Variants in ADGRV1 observed in about 807,000 individuals in gnomAD.
ADGRV1 encodes the protein adhesion G protein-coupled receptor V1.
In ADGRV1, 359 loss-of-function variants were observed where a neutral mutation model predicts 596.2. The ratio of observed to expected loss-of-function variants is 0.60; its 90% CI spans 0.55 to 0.66. The LOEUF (loss-of-function observed/expected upper bound fraction) is 0.66, where lower values mean the gene tolerates loss of function less well. ADGRV1 is among the 30% of genes least tolerant of loss of function. The pLI, the probability that ADGRV1 is intolerant of heterozygous loss-of-function variation, is 0.00. For synonymous variants in ADGRV1, 2,681 were observed against 2,679.2 expected (o/e 1.00, Z -0.02); for missense variants, 7,274 against 7,575.6 (o/e 0.96, Z 1.48).
intron 87 of ADGRV1, among the ~76,000 whole-genome samples, chr5:91,121,982 A>G: frequency 6.6e-6 from 1 of 152,178 alleles, no homozygotes; most frequent in Non-Finnish European, 1.5e-5. Flanking sequence ...AAAAAAAACA[A>G]ACTTGGACCA....
intron 83 of ADGRV1, among the ~76,000 whole-genome samples, chr5:90,951,909 T>A (rs2150909967): frequency 1.3e-5 from 2 of 152,276 alleles, no homozygotes; most frequent in East Asian, 3.9e-4. Flanking sequence ...TATATAAAGC[T>A]ATATTAATTT....
Position 90,729,639 on chromosome 5 carries a change from C to T in ADGRV1, c.10427-3C>T. The stretch of plus-strand genomic sequence containing the variant: ...AGATTTGACTTCTATTTCATTATTG[C>T]AGGAGATCAGAATTCAATTGATATT... On this transcript the variant is annotated splice_region_variant and splice_polypyrimidine_tract_variant and intron_variant, in intron 49 of 89. Transcript: ENST00000405460. 1.3e-6 allele frequency: 2 copies of T among 1,595,652 alleles called. No individual in the cohort carries two copies. The highest frequency in any genetic ancestry group is 2.2e-5 in the East Asian group (1 of 44,528).
chr5:91,020,832 C>G (rs578057311), intron 85 of ADGRV1, among the ~76,000 whole-genome samples: 1 of 152,102 alleles, frequency 6.6e-6, no homozygotes, highest in East Asian at 1.9e-4. Flanking sequence ...GCTTCGACAT[C>G]TAAATCTTTG....
chr5:90,746,200 T>C (rs1247369269), intron 52 of ADGRV1, among the ~76,000 whole-genome samples: 2 of 128,504 alleles, frequency 1.6e-5, no homozygotes, highest in Non-Finnish European at 3.1e-5. Flanking sequence ...TATTATGCTT[T>C]GTTACTTCTG....
Position 90,694,055 on chromosome 5 carries a change from G to T in ADGRV1, c.7299G>T (p.Gly2433=). The change falls in exon 33 of 90, where the codon GGG becomes GGT. Residue 2433 remains glycine, a synonymous_variant. Transcript: ENST00000405460. The part of the protein sequence containing the change: ...WRTWMNVSAV[G]EPLYTCATLC... ...CTTGGATGAATGTCTCTGCCGTGGG[G>T]GAGCCCCTGTATACCTGTGCCACTT... 1 of 1,613,806 alleles carries T rather than the reference G, an allele frequency of 6.2e-7. No homozygotes were observed. The highest frequency in any genetic ancestry group is 8.5e-7 in the Non-Finnish European group (1 of 1,179,834).
intron 39 of ADGRV1, among the ~76,000 whole-genome samples, chr5:90,710,321 G>T (rs1026236384): frequency 2.6e-5 from 4 of 152,160 alleles, no homozygotes; most frequent in Non-Finnish European, 4.4e-5. Context: ...CAGGAGCAGG[G>T]TTAGTAATAT....
intron 35 of ADGRV1, among the ~76,000 whole-genome samples, chr5:90,704,114 G>T (rs186768236): frequency 8.3e-4 from 126 of 152,184 alleles, no homozygotes; most frequent in African/African-American, 3.0e-3. Context: ...CTCCAACTTT[G>T]TGCTTTGAGA....
chr5:91,153,900 T>C (rs1796258715), intron 89 of ADGRV1, among the ~76,000 whole-genome samples: 1 of 152,228 alleles, frequency 6.6e-6, no homozygotes, highest in Non-Finnish European at 1.5e-5. Flanking sequence ...GGATAGTTCT[T>C]ACAGAATGAG....
intron 85 of ADGRV1, among the ~76,000 whole-genome samples, chr5:91,060,968 C>T (rs570321882): frequency 6.6e-6 from 1 of 152,294 alleles, no homozygotes; most frequent in African/African-American, 2.4e-5. Context: ...GCCAGTCAGA[C>T]ATCTACAACA....
At chr5:91,156,734 C>G (rs1270497701) in intron 89 of ADGRV1, among the ~76,000 whole-genome samples, 1 of 152,110 alleles carries the variant, frequency 6.6e-6, no homozygotes, top group African/African-American at 2.4e-5. Flanking sequence ...ATACTTGGTT[C>G]CCTATATTTT....
chr5:90,831,365 A>G (rs1443764972), intron 77 of ADGRV1, among the ~76,000 whole-genome samples: 1 of 151,822 alleles, frequency 6.6e-6, no homozygotes, highest in East Asian at 1.9e-4. Context: ...CTACCCTGCG[A>G]TTATAGGCTT....
At chr5:90,851,870 C>G (rs1047384400) in intron 79 of ADGRV1, among the ~76,000 whole-genome samples, 13 of 152,094 alleles carry the variant, frequency 8.5e-5, no homozygotes, top group African/African-American at 2.9e-4. Context: ...ATAACAGAGT[C>G]CCTGACTGGA....
At chr5:90,665,927 A>T (rs1771279648) in intron 21 of ADGRV1, among the ~76,000 whole-genome samples, 1 of 149,066 alleles carries the variant, frequency 6.7e-6, no homozygotes, top group Non-Finnish European at 1.5e-5. Context: ...AGCGGTTTTG[A>T]GTGAGATTCT....
At position 90,643,773 on chromosome 5, in the gene ADGRV1, A is replaced by G. The variant is rs756154419; in HGVS notation, c.2554-30A>G. 2.7e-6 allele frequency: 4 copies of G among 1,506,952 alleles called. No homozygotes were observed. In the African/African-American group the frequency reaches 4.2e-5, roughly 16 times the overall value. The allele number at this position is 1,506,952 out of a possible 1,614,324, so 93.3% of individuals were successfully genotyped here. The stretch of plus-strand genomic sequence containing the variant: ...ATTTGTTGTGAAAAGTCAACTTTAT[A>G]ATTTCCATACTTTGACACATTCACT... On this transcript the variant is annotated intron_variant, in intron 13 of 89. Coordinates refer to ENST00000405460, the MANE Select transcript of ADGRV1 (RefSeq NM_032119.4).
chr5:90,706,463 GT>G, intron 38 of ADGRV1, 69 bp downstream of exon 38: 1 of 1,337,302 alleles, frequency 7.5e-7, no homozygotes, highest in Non-Finnish European at 1.0e-6. Flanking sequence ...TATACTTTAA[GT>G]TTTAGTGTAC....
chr5:90,797,544 C>T (rs1393095850), intron 70 of ADGRV1, among the ~76,000 whole-genome samples: 1 of 152,070 alleles, frequency 6.6e-6, no homozygotes, highest in Non-Finnish European at 1.5e-5. Flanking sequence ...TTTAACACCC[C>T]ACTGTCAATA....
chr5:90,987,717 A>T (rs946022904), intron 85 of ADGRV1, among the ~76,000 whole-genome samples: 3 of 151,900 alleles, frequency 2.0e-5, no homozygotes, highest in African/African-American at 4.8e-5. Flanking sequence ...GTCATAATAG[A>T]TTGATGGTTG....
chr5:90,797,325 TC>T (rs1760850894), intron 70 of ADGRV1, among the ~76,000 whole-genome samples: 1 of 109,560 alleles, frequency 9.1e-6, no homozygotes, highest in Admixed American at 9.6e-5. Flanking sequence ...GGAGTTGCAA[TC>T]CTAATCTCTG....
chr5:90,667,982 T>A (rs1052492271), intron 21 of ADGRV1, among the ~76,000 whole-genome samples: 22 of 151,946 alleles, frequency 1.4e-4, no homozygotes, highest in African/African-American at 5.3e-4. Context: ...GATCTCCAGC[T>A]GCGTACTGGG....
Sources: gnomAD v4.1 joint callset for allele counts (sites outside exome capture counted in the v4.1 genomes callset) on GRCh38, gnomAD v4.1.1 for gene constraint, MANE v1.5 for transcripts, NCBI Gene and HGNC (gene_info 2026-07-23, HGNC 2026-07-21) for gene names.